Variants in CTSC observed in about 807,000 individuals in gnomAD.
The protein encoded by CTSC is dipeptidyl peptidase 1.
CTSC carries 37 observed loss-of-function variants against 40.9 expected under a neutral mutation model. The ratio of observed to expected loss-of-function variants is 0.91; its 90% CI spans 0.70 to 1.19. The LOEUF (loss-of-function observed/expected upper bound fraction) is 1.19, where lower values mean the gene tolerates loss of function less well. Ranked by LOEUF, CTSC falls within the 50% of genes most tolerant of loss-of-function variation. The pLI is 0.00. For synonymous variants in CTSC, 232 were observed against 207.4 expected (o/e 1.12, Z -1.02); for missense variants, 594 against 567.3 (o/e 1.05, Z -0.48).
chr11:88,294,529 T>C (rs1944278142), intron 6 of CTSC, 21 bp from the exon 7 acceptor site: 1 of 1,613,826 alleles, frequency 6.2e-7, no homozygotes. Flanking sequence ...ATAACACACA[T>C]GGTTACCCCT....
Position 88,309,030 on chromosome 11 carries a change from T to A in CTSC, c.641+133A>T, listed in dbSNP as rs1319577627. 6.6e-6 allele frequency: 5 copies of A among 757,394 alleles called. No homozygotes were observed. In the East Asian group the frequency reaches 1.3e-4, roughly 20 times the overall value. 46.9% of individuals were successfully genotyped at this position (757,394 alleles called of 1,614,324 possible). On this transcript the variant is annotated intron_variant, in intron 4 of 6. Transcript: ENST00000227266. ...ATGTATCAATAGGAGATAAAGATCGTTAACAGATCACATAAAAAGTTACAA... is the reference window on the plus strand; with the variant it reads ...ATGTATCAATAGGAGATAAAGATCGATAACAGATCACATAAAAAGTTACAA...
At chr11:88,312,649 T>TC in intron 2 of CTSC, 95 bp from the exon 3 acceptor site, 3 of 1,399,284 alleles carry the variant, frequency 2.1e-6, no homozygotes, top group Non-Finnish European at 3.0e-6. Context: ...ATGTGCCCCT[T>TC]TCAAAACAAA....
chr11:88,320,770 T>TAAC lies in CTSC; in HGVS notation c.319-8219_319-8217dup, dbSNP rs1288026787. ...ACCATAGCCTCTAAGGACACAAAGGTAACACTTCAAAGAACACATCAATAA... is the reference window on the plus strand; with the variant it reads ...ACCATAGCCTCTAAGGACACAAAGGTAACAACACTTCAAAGAACACATCAATAA... On this transcript the variant is annotated intron_variant, in intron 2 of 6. Transcript: ENST00000227266. 4 of 953,286 alleles carry TAAC rather than the reference T, an allele frequency of 4.2e-6. No homozygotes were observed. In the East Asian group the frequency reaches 4.6e-4, roughly 110 times the overall value. The allele number at this position is 953,286 out of a possible 1,614,324, so 59.1% of individuals were successfully genotyped here.
At chr11:88,323,302 C>T (rs1438947631) in intron 2 of CTSC, 2 of 152,256 alleles carry the variant, frequency 1.3e-5, no homozygotes, top group Non-Finnish European at 2.9e-5. Context: ...GAGAAACCCA[C>T]AGATAATATC....
At chr11:88,300,134 A>C (rs749719265) in intron 5 of CTSC, among the ~76,000 whole-genome samples, 4 of 152,178 alleles carry the variant, frequency 2.6e-5, no homozygotes, top group Non-Finnish European at 2.9e-5. Context: ...TGACTAAATT[A>C]ATGGGGGTGG....
In CTSC at chr11:88,294,195, C is replaced by T. The variant is rs757406351; in HGVS notation, c.1203G>A (p.Glu401=). ...TGLRDPFNPF[E]LTNHAVLLVG... ...CAAGCAGAACAGCATGATTAGTCAG[C>T]TCAAAGGGGTTGAAAGGGTCTCTTA... Residue 401 remains glutamate (E), a synonymous_variant, in exon 7 of 7, where the codon GAG becomes GAA. Transcript: ENST00000227266. 1.2e-6 allele frequency: 2 copies of T among 1,613,818 alleles called. No homozygotes were observed. Among genetic ancestry groups the T allele is most frequent in the Admixed American group, 3.3e-5 (2 of 59,948 alleles).
At chr11:88,325,650 CTT>C in intron 2 of CTSC, 1 of 984,866 alleles carries the variant, frequency 1.0e-6, no homozygotes, top group Non-Finnish European at 1.2e-6. Flanking sequence ...ACTTTTGTAG[CTT>C]ATAGTATGTC....
chr11:88,324,328 G>T (rs1938118040), intron 2 of CTSC: 3 of 948,710 alleles, frequency 3.2e-6, no homozygotes, highest in Non-Finnish European at 2.5e-6. Context: ...GAATGCCATT[G>T]AATATATTTT....
intron 2 of CTSC, among the ~76,000 whole-genome samples, chr11:88,331,518 G>A (rs567388): frequency 0.43 from 66,053 of 152,072 alleles, 15,290 homozygotes; most frequent in Middle Eastern, 0.53. Context: ...CTGTCCCTGC[G>A]GAGTTAGGGT....
In CTSC at chr11:88,294,050, T is replaced by C. The variant is rs746922449; in HGVS notation, c.1348A>G (p.Ile450Val). The C allele has an allele frequency of 6.2e-6, 10 of 1,613,930 alleles. No individual in the cohort carries two copies. Among genetic ancestry groups the C allele is most frequent in the East Asian group, 2.2e-5 (1 of 44,890 alleles). ...GTGGCTGCCACTGCTATGCTCTCAA[T>C]TGCACACTCATCAGTTCCTCTGCGG... ...RIRRGTDECAIESIAVAATPI... is the reference protein window; with the variant it reads ...RIRRGTDECAVESIAVAATPI... Residue 450 changes from isoleucine (I) to valine (V), a missense_variant, in exon 7 of 7, where the codon ATT becomes GTT. Ile to Val is a conservative substitution (Grantham distance 29). Transcript: ENST00000227266.
chr11:88,317,149 T>C (rs1240879981), intron 2 of CTSC, among the ~76,000 whole-genome samples: 1 of 152,188 alleles, frequency 6.6e-6, no homozygotes, highest in East Asian at 1.9e-4. Context: ...GTATTTTTAG[T>C]AGAGACAGGG....
chr11:88,299,961 A>T (rs1944340102), intron 5 of CTSC, among the ~76,000 whole-genome samples: 1 of 152,182 alleles, frequency 6.6e-6, no homozygotes, highest in Non-Finnish European at 1.5e-5. Flanking sequence ...CTTTTCATGA[A>T]CCTGGGTTCC....
At chr11:88,321,121 T>C (rs1456018066) in intron 2 of CTSC, 2 of 704,554 alleles carry the variant, frequency 2.8e-6, no homozygotes, top group Admixed American at 6.3e-5. Flanking sequence ...TAAAATTCCA[T>C]ATTAAATATA....
intron 4 of CTSC, among the ~76,000 whole-genome samples, chr11:88,304,970 T>C (rs1011692261): frequency 1.3e-5 from 2 of 152,122 alleles, no homozygotes; most frequent in East Asian, 3.9e-4. Flanking sequence ...TGGTGGGTCA[T>C]GCCTGTAATC....
chr11:88,294,159 G>A lies in CTSC; in HGVS notation c.1239C>T (p.Gly413=). 1 of 1,613,906 alleles carries A rather than the reference G, an allele frequency of 6.2e-7. No individual in the cohort carries two copies. Among genetic ancestry groups the A allele is most frequent in the African/African-American group, 1.3e-5 (1 of 74,954 alleles). Reference sequence around the variant, plus strand: ...AATCCATCCCAGAGGCTGAGTCAGTGCCATAGCCCACAAGCAGAACAGCAT... The same window carrying A: ...AATCCATCCCAGAGGCTGAGTCAGTACCATAGCCCACAAGCAGAACAGCAT... ...TNHAVLLVGY[G]TDSASGMDYW... is the part of the protein sequence containing the mutation. Residue 413 remains glycine (G), a synonymous_variant, in exon 7 of 7, where the codon GGC becomes GGT. Transcript: ENST00000227266.
At chr11:88,295,341 G>A (rs879031503) in intron 6 of CTSC, among the ~76,000 whole-genome samples, 5 of 151,790 alleles carry the variant, frequency 3.3e-5, no homozygotes, top group African/African-American at 7.3e-5. Context: ...CTGTGTTTTC[G>A]ACATACATCA....
chr11:88,294,525 C>T lies in CTSC; in HGVS notation c.890-17G>A. On this transcript the variant is annotated splice_polypyrimidine_tract_variant and intron_variant, in intron 6 of 6. Transcript: ENST00000227266. ...CTTCACAGCCTGAAGATGAATAACA[C>T]ACATGGTTACCCCTTAGTAGAAAAA... The T allele has an allele frequency of 6.2e-7, 1 of 1,613,960 alleles. No homozygotes were observed. Among genetic ancestry groups the T allele is most frequent in the Non-Finnish European group, 8.5e-7 (1 of 1,179,876 alleles).
chr11:88,296,216 G>A lies in CTSC; in HGVS notation c.806C>T (p.Ala269Val), dbSNP rs755680546. ...YSFASMGMLE[A>V]RIRILTNNSQ... ...ATTGTTGGTTAGTATACGGATTCTCGCTTCTAGCATACCCATAGAAGCAAA... is the reference window on the plus strand; with the variant it reads ...ATTGTTGGTTAGTATACGGATTCTCACTTCTAGCATACCCATAGAAGCAAA... Residue 269 changes from alanine (A) to valine (V), a missense_variant, in exon 6 of 7, where the codon GCG becomes GTG. By Grantham distance (64) the Ala-to-Val change is moderately conservative (BLOSUM62 0). Transcript: ENST00000227266. 1.2e-5 allele frequency: 19 copies of A among 1,613,804 alleles called. No homozygotes were observed. Among genetic ancestry groups the A allele is most frequent in the Middle Eastern group, 3.3e-4 (2 of 6,084 alleles).
chr11:88,312,398 A>G lies in CTSC; in HGVS notation c.475T>C (p.Ser159Pro). The G allele has an allele frequency of 6.2e-7, 1 of 1,614,140 alleles. No homozygotes were observed. The highest frequency in any genetic ancestry group is 8.5e-7 in the Non-Finnish European group (1 of 1,179,980). Residue 159 changes from serine (S) to proline (P), a missense_variant, in exon 3 of 7, where the codon TCT becomes CCT. Coordinates refer to ENST00000227266, the MANE Select transcript of CTSC (RefSeq NM_001814.6). ...TTTGTAGCAACTCACTTTTCCTGAGAATTCTTAAGGTGTGCTATGTTGACA... is the reference window on the plus strand; with the variant it reads ...TTTGTAGCAACTCACTTTTCCTGAGGATTCTTAAGGTGTGCTATGTTGACA... Reference protein sequence around the residue: ...VYVNIAHLKNSQEKYSNRLYK... With the variant: ...VYVNIAHLKNPQEKYSNRLYK...
Sources: gnomAD v4.1 joint callset for allele counts (sites outside exome capture counted in the v4.1 genomes callset) on GRCh38, gnomAD v4.1.1 for gene constraint, MANE v1.5 for transcripts, NCBI Gene and HGNC (gene_info 2026-07-23, HGNC 2026-07-21) for gene names.